TAP2: variants seen among roughly 807,000 people sequenced by gnomAD.
TAP2 encodes antigen peptide transporter 2.
TAP2 carries 49 observed loss-of-function variants against 74.7 expected under a neutral mutation model. That is an observed-to-expected ratio of 0.66 (90% CI 0.52 to 0.83). The LOEUF (loss-of-function observed/expected upper bound fraction) is 0.83, where lower values mean the gene tolerates loss of function less well. Among genes scored for constraint, TAP2 ranks in the 40% least tolerant of loss-of-function variants. The pLI, the probability that TAP2 is intolerant of heterozygous loss-of-function variation, is 0.00. For missense variants in TAP2, 739 were observed against 859.0 expected (o/e 0.86, Z 1.75); for synonymous variants, 306 against 368.4 (o/e 0.83, Z 1.94).
intron 1 of TAP2, 68 bp from the exon 2 acceptor site, chr6:32,838,305 C>A (rs1312057072): frequency 1.5e-5 from 23 of 1,485,376 alleles, no homozygotes; most frequent in Non-Finnish European, 2.0e-5. Context: ...CCCTCCTACC[C>A]GCCCGGCTCC....
Position 32,837,859 on chromosome 6 carries a change from C to T in TAP2, c.375G>A (p.Gln125=). The change falls in exon 2 of 12, where the codon CAG becomes CAA. Residue 125 remains glutamine, a synonymous_variant. Coordinates refer to ENST00000374897, the MANE Select transcript of TAP2 (RefSeq NM_001290043.2). Reference sequence around the variant, plus strand: ...TGTTCACCTGGTCCTGCTCCTTCTCCTGGGCTCCAGGAGGGCTCAGAACAG... The same window carrying T: ...TGTTCACCTGGTCCTGCTCCTTCTCTTGGGCTCCAGGAGGGCTCAGAACAG... ...LWAVLSPPGA[Q]EKEQDQVNNK... is the part of the protein sequence containing the mutation. 6.2e-7 allele frequency: 1 copy of T among 1,613,380 alleles called. No individual in the cohort carries two copies. The highest frequency in any genetic ancestry group is 8.5e-7 in the Non-Finnish European group (1 of 1,179,980).
Position 32,827,809 on chromosome 6 carries a change from T to C in TAP2, c.*1097A>G, listed in dbSNP as rs914449362. On this transcript the variant is annotated 3_prime_UTR_variant, in exon 12 of 12. Coordinates refer to ENST00000374897, the MANE Select transcript of TAP2 (RefSeq NM_001290043.2). ...AATTTCCAGAAATGCCATCATCGTATGTGACACAGAATTTAGAAAAATGAC... is the reference window on the plus strand; with the variant it reads ...AATTTCCAGAAATGCCATCATCGTACGTGACACAGAATTTAGAAAAATGAC... 1.1e-6 allele frequency: 1 copy of C among 875,232 alleles called. No homozygotes were observed. Among genetic ancestry groups the C allele is most frequent in the Non-Finnish European group, 1.3e-6 (1 of 756,998 alleles). 54.2% of individuals were successfully genotyped at this position (875,232 alleles called of 1,614,324 possible). A position where few individuals can be genotyped will look rare whatever the true frequency, so the allele number is the denominator to read the frequency against.
At chr6:32,825,368 A>G (rs898541368), downstream of TAP2, 1 of 152,216 alleles carries the variant, frequency 6.6e-6, no homozygotes, top group Admixed American at 6.5e-5. Flanking sequence ...CTAACTAGCC[A>G]TCAGTAGAAG....
intron 3 of TAP2, among the ~76,000 whole-genome samples, chr6:32,836,082 A>G (rs1474079598): frequency 6.6e-6 from 1 of 152,188 alleles, no homozygotes; most frequent in Non-Finnish European, 1.5e-5. Context: ...AGAAGGGAAA[A>G]GATATTGTGA....
intron 5 of TAP2, among the ~76,000 whole-genome samples, chr6:32,834,826 TG>T (rs1229081932): frequency 6.6e-6 from 1 of 152,140 alleles, no homozygotes; most frequent in Non-Finnish European, 1.5e-5. Flanking sequence ...ATCTTCGCAG[TG>T]GGGGCGGGGG....
At chr6:32,830,976 T>C (rs1335702817) in intron 7 of TAP2, among the ~76,000 whole-genome samples, 170 bp from the exon 8 acceptor site, 2 of 152,214 alleles carry the variant, frequency 1.3e-5, no homozygotes, top group African/African-American at 4.8e-5. Flanking sequence ...GTGGCACCAA[T>C]ACCCCAGTGT....
In TAP2 at chr6:32,827,270, T is replaced by C; in HGVS notation, c.*1636A>G. On this transcript the variant is annotated 3_prime_UTR_variant, in exon 12 of 12. Transcript: ENST00000374897. The stretch of plus-strand genomic sequence containing the variant: ...AACCAGTGATGTGTACAATGTTGCA[T>C]TTTCAGTGGTGGGAGTGGGCAGGGA... 2 of 985,436 alleles carry C rather than the reference T, an allele frequency of 2.0e-6. No homozygotes were observed. The highest frequency in any genetic ancestry group is 3.5e-5 in the African/African-American group (2 of 57,350). 61.0% of individuals were successfully genotyped at this position (985,436 alleles called of 1,614,324 possible). A position where few individuals can be genotyped will look rare whatever the true frequency, so the allele number is the denominator to read the frequency against.
rs759974215 is a variant in TAP2 at position 32,832,354 on chromosome 6, C to T, written c.1251G>A (p.Glu417=). ...GSLLSFMIYQ[E]SVGSYVQTLV... is the part of the protein sequence containing the mutation. The stretch of plus-strand genomic sequence containing the variant: ...TCACCTGCACATAGCTCCCCACGCT[C>T]TCCTGGTAGATCATAAAGGAAAGCA... Residue 417 remains glutamate, a synonymous_variant, in exon 7 of 12, where the codon GAG becomes GAA. Coordinates refer to ENST00000374897, the MANE Select transcript of TAP2 (RefSeq NM_001290043.2). The surrounding 1 kb of genome is among the most constrained non-coding windows in gnomAD (Gnocchi z 5.9). 1.2e-6 allele frequency: 2 copies of T among 1,613,036 alleles called. No individual in the cohort carries two copies. Among genetic ancestry groups the T allele is most frequent in the Non-Finnish European group, 1.7e-6 (2 of 1,180,038 alleles).
rs1349876833 is a variant in TAP2 at position 32,829,233 on chromosome 6, C to G, written c.1932+167G>C. Among the ~76,000 whole-genome samples the G allele has an allele frequency of 5.9e-5, 9 of 152,306 alleles. No individual in the cohort carries two copies. In the East Asian group the frequency reaches 1.4e-3, roughly 23 times the overall value. On this transcript the variant is annotated intron_variant, in intron 11 of 11. Coordinates refer to ENST00000374897, the MANE Select transcript of TAP2 (RefSeq NM_001290043.2). ...GGAGGAATGGAAGCCCAGGAGGGAA[C>G]TGGGGCTGCCCTCACACCACCGGAT...
Position 32,835,531 on chromosome 6 carries a change from C to G in TAP2, c.739+112G>C. ...CACCCTGTCCCAAACAAGAGAAAAG[C>G]ATCCCCAAGTCCTGGCATACGGGTG... On this transcript the variant is annotated intron_variant, in intron 4 of 11. Transcript: ENST00000374897. This position sits in a 1 kb window ranked among gnomAD's most constrained non-coding sequence, Gnocchi z 4.0. 6.5e-7 allele frequency: 1 copy of G among 1,538,680 alleles called. No individual in the cohort carries two copies. Among genetic ancestry groups the G allele is most frequent in the Non-Finnish European group, 8.9e-7 (1 of 1,121,584 alleles).
chr6:32,835,451 C>T lies in TAP2; in HGVS notation c.740-92G>A. ...TCCTGACCGTTCCCTCTGACACAGC[C>T]CCCTCCTCTGAACATCCTCCTTCAC... On this transcript the variant is annotated intron_variant, in intron 4 of 11. Transcript: ENST00000374897. This position sits in a 1 kb window ranked among gnomAD's most constrained non-coding sequence, Gnocchi z 4.0. 1 of 1,474,750 alleles carries T rather than the reference C, an allele frequency of 6.8e-7. No homozygotes were observed. Among genetic ancestry groups the T allele is most frequent in the African/African-American group, 1.4e-5 (1 of 72,232 alleles). The allele number at this position is 1,474,750 out of a possible 1,614,324, so 91.4% of individuals were successfully genotyped here. A position where few individuals can be genotyped will look rare whatever the true frequency, so the allele number is the denominator to read the frequency against.
chr6:32,829,711 C>T (rs4148874), intron 10 of TAP2, among the ~76,000 whole-genome samples, 175 bp from the exon 11 acceptor site: 112,663 of 152,100 alleles, frequency 0.74, 41,878 homozygotes, highest in East Asian at 0.84. Context: ...GGGCTGCCCA[C>T]GGAGGGAGCA....
Position 32,828,848 on chromosome 6 carries a change from T to C in TAP2, c.*58A>G. On this transcript the variant is annotated 3_prime_UTR_variant, in exon 12 of 12. Transcript: ENST00000374897. ...CCCTGAGAAGAGGGCCCAGTATCCC[T>C]GGGGCCTCAGTCCATCAGCCGCTGC... 6.6e-7 allele frequency: 1 copy of C among 1,514,952 alleles called. No homozygotes were observed. Among genetic ancestry groups the C allele is most frequent in the Non-Finnish European group, 8.9e-7 (1 of 1,124,294 alleles). 93.8% of individuals were successfully genotyped at this position (1,514,952 alleles called of 1,614,324 possible).
Position 32,832,434 on chromosome 6 carries a change from T to TCAGCATCTGCACCCCCAAGTG in TAP2, c.1150_1170dup (p.His384_Leu390dup). 1 of 1,612,686 alleles carries TCAGCATCTGCACCCCCAAGTG rather than the reference T, an allele frequency of 6.2e-7. No individual in the cohort carries two copies. Among genetic ancestry groups the TCAGCATCTGCACCCCCAAGTG allele is most frequent in the Non-Finnish European group, 8.5e-7 (1 of 1,179,934 alleles). On this transcript the variant is annotated inframe_insertion, in exon 7 of 12. Coordinates refer to ENST00000374897, the MANE Select transcript of TAP2 (RefSeq NM_001290043.2). This position sits in a 1 kb window ranked among gnomAD's most constrained non-coding sequence, Gnocchi z 5.9. ...ATCTGCTGCAGCCCACAGCTCAGCA[T>TCAGCATCTGCACCCCCAAGTG]CAGCATCTGCACCCCCAAGTGCAGC...
Position 32,832,579 on chromosome 6 carries a change from G to A in TAP2, c.1143+48C>T. ...ACCAGCTGTAGTTTCCTCTTCCCTT[G>A]CCCTCCCCCTTTCCTGGGCTCCTTT... On this transcript the variant is annotated intron_variant, in intron 6 of 11. Coordinates refer to ENST00000374897, the MANE Select transcript of TAP2 (RefSeq NM_001290043.2). This position sits in a 1 kb window ranked among gnomAD's most constrained non-coding sequence, Gnocchi z 5.9. 3 of 1,612,716 alleles carry A rather than the reference G, an allele frequency of 1.9e-6. No individual in the cohort carries two copies. Among genetic ancestry groups the A allele is most frequent in the Non-Finnish European group, 2.5e-6 (3 of 1,179,818 alleles).
chr6:32,828,358 G>A lies in TAP2; in HGVS notation c.*548C>T, dbSNP rs1476207385. Reference sequence around the variant, plus strand: ...TCTTCAAAATAGCAGACACTGGTAGGAACAAGGAAGGATATAGGAAGGCAA... The same window carrying A: ...TCTTCAAAATAGCAGACACTGGTAGAAACAAGGAAGGATATAGGAAGGCAA... On this transcript the variant is annotated 3_prime_UTR_variant, in exon 12 of 12. Transcript: ENST00000374897. The A allele has an allele frequency of 2.0e-6, 2 of 985,658 alleles. No homozygotes were observed. The highest frequency in any genetic ancestry group is 3.5e-5 in the African/African-American group (2 of 57,182). 61.1% of individuals were successfully genotyped at this position (985,658 alleles called of 1,614,324 possible).
At position 32,828,675 on chromosome 6, in the gene TAP2, G is replaced by GCCTC; in HGVS notation, c.*230_*231insGAGG. ...GAATTAAGTTTCCTGGACACAGACA[G>GCCTC]CCCCCACCCCACCCCACCCCACCTC... On this transcript the variant is annotated 3_prime_UTR_variant, in exon 12 of 12. Transcript: ENST00000374897. The GCCTC allele has an allele frequency of 2.3e-6, 2 of 884,262 alleles. No individual in the cohort carries two copies. The highest frequency in any genetic ancestry group is 4.6e-5 in the South Asian group (1 of 21,672). 54.8% of individuals were successfully genotyped at this position (884,262 alleles called of 1,614,324 possible).
chr6:32,830,490 C>G, intron 8 of TAP2, 50 bp from the exon 9 acceptor site: 1 of 1,593,104 alleles, frequency 6.3e-7, no homozygotes, highest in Non-Finnish European at 8.5e-7. Flanking sequence ...CCCTCAAAAT[C>G]CCTCCATTTC....
rs1768755576 is a variant in TAP2 at position 32,827,752 on chromosome 6, TC to T, written c.*1153del. 2.6e-6 allele frequency: 2 copies of T among 762,754 alleles called. No homozygotes were observed. Among genetic ancestry groups the T allele is most frequent in the Admixed American group, 1.3e-4 (1 of 7,848 alleles). 47.2% of individuals were successfully genotyped at this position (762,754 alleles called of 1,614,324 possible). ...GGAACAGTGTGTGCTCTGAAAAGGA[TC>T]TCTGCAGCAGGGCTTGAGAGCACCT... On this transcript the variant is annotated 3_prime_UTR_variant, in exon 12 of 12. Coordinates refer to ENST00000374897, the MANE Select transcript of TAP2 (RefSeq NM_001290043.2).
Sources: gnomAD v4.1 joint callset for allele counts (sites outside exome capture counted in the v4.1 genomes callset) on GRCh38, gnomAD v4.1.1 for gene constraint, Gnocchi (gnomAD v3.1) non-coding constraint, MANE v1.5 for transcripts, NCBI Gene and HGNC (gene_info 2026-07-23, HGNC 2026-07-21) for gene names.